Variants in RAB11FIP4 observed in about 807,000 individuals in gnomAD.
RAB11FIP4 encodes the protein RAB11 family interacting protein 4, also known as rab11 family-interacting protein 4.
In RAB11FIP4, 23 loss-of-function variants were observed where a neutral mutation model predicts 74.3. The ratio of observed to expected loss-of-function variants is 0.31; its 90% CI spans 0.22 to 0.44. RAB11FIP4 has a LOEUF of 0.44. Among genes scored for constraint, RAB11FIP4 ranks in the 20% least tolerant of loss-of-function variants. The pLI is 1.00. For synonymous variants in RAB11FIP4, 360 were observed against 359.9 expected (o/e 1.00, Z 0.00); for missense variants, 630 against 863.9 (o/e 0.73, Z 3.39).
rs967438910 is a variant in RAB11FIP4 at position 31,470,282 on chromosome 17, G to T, written c.336+36160G>T. Among the ~76,000 whole-genome samples, 6 of 152,184 alleles carry T rather than the reference G, an allele frequency of 3.9e-5. No individual in the cohort carries two copies. In the East Asian group the frequency reaches 1.2e-3, roughly 29 times the overall value. ...CCTCAGGCACCTGCACCATGGGTAT[G>T]CAGATCTGGCCCTCATTGATGCAAA... On this transcript the variant is annotated intron_variant, in intron 3 of 14. Coordinates refer to ENST00000621161, the MANE Select transcript of RAB11FIP4 (RefSeq NM_032932.6).
At chr17:31,429,679 T>C (rs1037131836) in intron 1 of RAB11FIP4, among the ~76,000 whole-genome samples, 9 of 152,058 alleles carry the variant, frequency 5.9e-5, no homozygotes, top group African/African-American at 2.2e-4. Context: ...ATACAAAAAT[T>C]ACCTGGGCAT....
intron 4 of RAB11FIP4, among the ~76,000 whole-genome samples, chr17:31,519,860 C>G (rs1003689930): frequency 6.6e-6 from 1 of 151,964 alleles, no homozygotes; most frequent in South Asian, 2.1e-4. Flanking sequence ...GCCTTGTAAT[C>G]CCAGCAGTTT....
At chr17:31,450,914 C>G (rs1396013444) in intron 3 of RAB11FIP4, among the ~76,000 whole-genome samples, 2 of 152,146 alleles carry the variant, frequency 1.3e-5, no homozygotes, top group Non-Finnish European at 2.9e-5. Flanking sequence ...GTAAATGGCA[C>G]CACCTCCCCT....
chr17:31,421,182 C>T (rs1160487354), intron 1 of RAB11FIP4, among the ~76,000 whole-genome samples: 2 of 152,086 alleles, frequency 1.3e-5, no homozygotes, highest in African/African-American at 2.4e-5. Flanking sequence ...TTTTCAGATG[C>T]CTTTCTGTTT....
intron 3 of RAB11FIP4, among the ~76,000 whole-genome samples, chr17:31,459,257 G>A (rs2071611453): frequency 6.6e-6 from 1 of 152,138 alleles, no homozygotes; most frequent in Non-Finnish European, 1.5e-5. Context: ...GATCCTGGGA[G>A]TAGACTCCTT....
chr17:31,474,876 AAAAAAC>A (rs1303786845), intron 3 of RAB11FIP4, among the ~76,000 whole-genome samples: 3 of 34,000 alleles, frequency 8.8e-5, no homozygotes, highest in African/African-American at 1.3e-4. Context: ...AAAACAAAAC[AAAAAAC>A]AAAAAAAAAA....
chr17:31,492,803 G>T (rs2072035255), intron 3 of RAB11FIP4, among the ~76,000 whole-genome samples: 1 of 151,956 alleles, frequency 6.6e-6, no homozygotes, highest in South Asian at 2.1e-4. Flanking sequence ...AGCTGGCCTT[G>T]CTCAGAGGGG....
intron 3 of RAB11FIP4, among the ~76,000 whole-genome samples, chr17:31,502,289 G>A (rs369240770): frequency 6.6e-6 from 1 of 152,006 alleles, no homozygotes; most frequent in Non-Finnish European, 1.5e-5. Flanking sequence ...CTCTTTAAAG[G>A]TTGAATTGGC....
intron 4 of RAB11FIP4, among the ~76,000 whole-genome samples, chr17:31,519,634 A>G (rs2072625709): frequency 6.6e-6 from 1 of 152,228 alleles, no homozygotes. Flanking sequence ...GAGAGGGAAG[A>G]GAGGGGTTCC....
intron 5 of RAB11FIP4, 51 bp from the exon 6 acceptor site, chr17:31,521,864 C>T (rs2072671899): frequency 6.2e-7 from 1 of 1,609,632 alleles, no homozygotes; most frequent in East Asian, 2.2e-5. Flanking sequence ...TGGTGTAGGG[C>T]ACCAGACTGG....
intron 3 of RAB11FIP4, among the ~76,000 whole-genome samples, chr17:31,507,834 T>TATTTTAACTA (rs2072380955): frequency 6.6e-6 from 1 of 152,076 alleles, no homozygotes; most frequent in African/African-American, 2.4e-5. Context: ...TATTTTATTT[T>TATTTTAACTA]ATTTTAACTA....
intron 3 of RAB11FIP4, among the ~76,000 whole-genome samples, chr17:31,457,559 G>A (rs1428909837): frequency 2.6e-5 from 4 of 152,144 alleles, no homozygotes; most frequent in East Asian, 1.9e-4. Flanking sequence ...GGGGTGGGGC[G>A]GGACAAGGTG....
intron 4 of RAB11FIP4, among the ~76,000 whole-genome samples, chr17:31,519,166 C>T (rs1052239173): frequency 1.3e-5 from 2 of 152,074 alleles, no homozygotes; most frequent in Non-Finnish European, 2.9e-5. Context: ...AGGTGCCCAC[C>T]ACCACGCCTG....
chr17:31,510,333 CACT>C (rs2072428645), intron 3 of RAB11FIP4, among the ~76,000 whole-genome samples: 1 of 152,254 alleles, frequency 6.6e-6, no homozygotes, highest in Non-Finnish European at 1.5e-5. Flanking sequence ...GACTCCCCTA[CACT>C]AGGCTTAGTG....
intron 3 of RAB11FIP4, among the ~76,000 whole-genome samples, chr17:31,444,614 C>A (rs2071434403): frequency 6.6e-6 from 1 of 152,126 alleles, no homozygotes; most frequent in Non-Finnish European, 1.5e-5. Context: ...GTGCTACTTC[C>A]CACGGGCCAC....
chr17:31,530,850 G>T, intron 14 of RAB11FIP4: 1 of 193,236 alleles, frequency 5.2e-6, no homozygotes, highest in South Asian at 1.1e-4. Context: ...TCTGCGGTGT[G>T]TTTTCACTTA....
intron 1 of RAB11FIP4, among the ~76,000 whole-genome samples, chr17:31,394,360 A>G (rs1452159055): frequency 1.3e-5 from 2 of 152,004 alleles, no homozygotes; most frequent in Admixed American, 6.5e-5. Flanking sequence ...ATAAATTTTC[A>G]TCTGGTTTAA....
intron 3 of RAB11FIP4, among the ~76,000 whole-genome samples, chr17:31,479,468 C>T (rs2071825903): frequency 6.6e-6 from 1 of 152,126 alleles, no homozygotes; most frequent in Admixed American, 6.5e-5. Context: ...TTACTGTGTG[C>T]CAGACATGTT....
rs527766176 is a variant in RAB11FIP4 at position 31,490,726 on chromosome 17, G to A, written c.337-26925G>A. 2.0e-3 allele frequency among the ~76,000 whole-genome samples: 302 copies of A among 152,146 alleles called. 5 individuals are homozygous for A. Among genetic ancestry groups the A allele is most frequent in the South Asian group, 2.3e-3 (11 of 4,822 alleles). On this transcript the variant is annotated intron_variant, in intron 3 of 14. Coordinates refer to ENST00000621161, the MANE Select transcript of RAB11FIP4 (RefSeq NM_032932.6). Reference sequence around the variant, plus strand: ...GCCACCCTGCATCTGGCTAATTTTTGTTTTTGTTTTTGTAGAGATGGGGTT... The same window carrying A: ...GCCACCCTGCATCTGGCTAATTTTTATTTTTGTTTTTGTAGAGATGGGGTT...
Sources: allele counts gnomAD v4.1 joint callset (sites outside exome capture counted in the v4.1 genomes callset), GRCh38; gene constraint gnomAD v4.1.1; transcripts MANE v1.5; gene names NCBI Gene and HGNC (gene_info 2026-07-23, HGNC 2026-07-21).